BRIP1: variants seen among roughly 807,000 people sequenced by gnomAD.
BRIP1 encodes the protein BRCA1 interacting DNA helicase 1.
Under a neutral mutation model 119.7 loss-of-function variants are expected in BRIP1, and 88 were observed. The ratio of observed to expected loss-of-function variants is 0.74; its 90% confidence interval spans 0.62 to 0.88. BRIP1 has a LOEUF of 0.88. Among genes scored for constraint, BRIP1 ranks in the 40% least tolerant of loss-of-function variants. The pLI is 0.00. For synonymous variants in BRIP1, 443 were observed against 496.5 expected, an observed-to-expected ratio of 0.89 and a Z score of 1.43; for missense variants, 1,259 against 1,455.4, an observed-to-expected ratio of 0.87 and a Z score of 2.20.
chr17:61,840,088 G>A (rs565474823), intron 6 of BRIP1, among the ~76,000 whole-genome samples: 8 of 152,280 alleles, frequency 5.3e-5, no homozygotes, highest in South Asian at 4.1e-4. Context: ...GCCAGGTTCC[G>A]TGGCTCACGC....
rs781177692 is a variant in BRIP1, at chr17:61,803,018, T to C, written c.919-1544A>G. On this transcript the variant is annotated intron_variant, in intron 7 of 19. Transcript: ENST00000259008. The surrounding 1 kb of genome is among the most constrained non-coding windows in gnomAD (Gnocchi z 4.3). ...TAGCAAAGTTTAACATAGTGTTGTA[T>C]GAATAGTCTAACAAGGTTCAATAGT... Among the ~76,000 whole-genome samples the C allele has an allele frequency of 1.3e-5, 2 of 152,208 alleles. No homozygotes were observed. The highest frequency in any genetic ancestry group is 2.4e-5 in the African/African-American group (1 of 41,450).
intron 18 of BRIP1, among the ~76,000 whole-genome samples, chr17:61,692,573 A>C (rs1318028937): frequency 6.6e-6 from 1 of 152,224 alleles, no homozygotes; most frequent in Non-Finnish European, 1.5e-5. Context: ...TCTCCAAAGA[A>C]GACATATGAT....
At position 61,846,615 on chromosome 17, in the gene BRIP1, G is replaced by A. The variant is rs542438920; in HGVS notation, c.627+486C>T. ...TTGCCCAGGCTGGTTTCAAACTCGTGAACTCAAGTGATCCACCCGCCTTGG... is the reference window on the plus strand; with the variant it reads ...TTGCCCAGGCTGGTTTCAAACTCGTAAACTCAAGTGATCCACCCGCCTTGG... On this transcript the variant is annotated intron_variant, in intron 6 of 19. Transcript: ENST00000259008. This position sits in a 1 kb window ranked among gnomAD's most constrained non-coding sequence, Gnocchi z 4.3. Among the ~76,000 whole-genome samples the A allele has an allele frequency of 5.3e-5, 8 of 152,124 alleles. No individual in the cohort carries two copies. The highest frequency in any genetic ancestry group is 8.8e-5 in the Non-Finnish European group (6 of 68,004).
intron 4 of BRIP1, among the ~76,000 whole-genome samples, chr17:61,854,652 A>G (rs886099078): frequency 3.5e-5 from 5 of 142,392 alleles, no homozygotes; most frequent in African/African-American, 1.3e-4. Context: ...GGTTGCAGTG[A>G]GCTGAGATTG....
chr17:61,733,120 C>T (rs551908346), intron 16 of BRIP1, among the ~76,000 whole-genome samples: 1 of 152,342 alleles, frequency 6.6e-6, no homozygotes, highest in African/African-American at 2.4e-5. Context: ...CAGTCCTTTG[C>T]ATTCCTGCCC....
rs1210365095 is a variant in BRIP1 at position 61,739,002 on chromosome 17, G to T, written c.2379+4011C>A. On this transcript the variant is annotated intron_variant, in intron 16 of 19. Coordinates refer to ENST00000259008, the MANE Select transcript of BRIP1 (RefSeq NM_032043.3). This position sits in a 1 kb window ranked among gnomAD's most constrained non-coding sequence, Gnocchi z 6.0. ...GTTTTTCTTCTTTTCCAGGTCTCAAGAACTCATATGTAGGGTCCAAGGAAG... is the reference window on the plus strand; with the variant it reads ...GTTTTTCTTCTTTTCCAGGTCTCAATAACTCATATGTAGGGTCCAAGGAAG... The T allele has an allele frequency of 6.2e-6, 1 of 160,152 alleles. No individual in the cohort carries two copies. Among genetic ancestry groups the T allele is most frequent in the African/African-American group, 2.4e-5 (1 of 41,676 alleles). The allele number at this position is 160,152 out of a possible 1,614,324, so 9.9% of individuals were successfully genotyped here. A position where few individuals can be genotyped will look rare whatever the true frequency, so the allele number is the denominator to read the frequency against.
At position 61,759,898 on chromosome 17, in the gene BRIP1, A is replaced by AT. The variant is rs1053030410; in HGVS notation, c.2098-15308_2098-15307insA. ...AAACCTTTAATTTATGAAAAAAAAA[A>AT]AACCCAGAATATTTGCAAAGTGCGA... On this transcript the variant is annotated intron_variant, in intron 14 of 19. Coordinates refer to ENST00000259008, the MANE Select transcript of BRIP1 (RefSeq NM_032043.3). This position sits in a 1 kb window ranked among gnomAD's most constrained non-coding sequence, Gnocchi z 4.9. 2.6e-5 allele frequency among the ~76,000 whole-genome samples: 4 copies of AT among 151,958 alleles called. No homozygotes were observed. Among genetic ancestry groups the AT allele is most frequent in the African/African-American group, 9.7e-5 (4 of 41,418 alleles).
rs918507194 is a variant in BRIP1, at chr17:61,703,188, C to T, written c.2493-9676G>A. ...CAAACGATTCTCCTGCTTAGCCTCCCAAGTAGCTGGAATTACAGGTGTGCG... is the reference window on the plus strand; with the variant it reads ...CAAACGATTCTCCTGCTTAGCCTCCTAAGTAGCTGGAATTACAGGTGTGCG... On this transcript the variant is annotated intron_variant, in intron 17 of 19. Coordinates refer to ENST00000259008, the MANE Select transcript of BRIP1 (RefSeq NM_032043.3). The surrounding 1 kb of genome is among the most constrained non-coding windows in gnomAD (Gnocchi z 5.0). Among the ~76,000 whole-genome samples the T allele has an allele frequency of 6.6e-6, 1 of 152,104 alleles. No homozygotes were observed. Among genetic ancestry groups the T allele is most frequent in the Non-Finnish European group, 1.5e-5 (1 of 67,996 alleles).
In BRIP1 at chr17:61,799,227, A is replaced by G; in HGVS notation, c.1213T>C (p.Ser405Pro). ...ACTTCTGTTACACTGTAACTTGCTG[A>G]TTCCCGAGCACAGTCCTCGATGTTA... ...AHNIEDCARE[S>P]ASYSVTEVQL... The change falls in exon 9 of 20, where the codon TCA becomes CCA. Residue 405 changes from serine (S) to proline (P), a missense_variant. Around this residue, in one of 3 missense-constraint regions of BRIP1, gnomAD observed 501 missense variants for 544.0 expected, o/e 0.92. Coordinates refer to ENST00000259008, the MANE Select transcript of BRIP1 (RefSeq NM_032043.3). This position sits in a 1 kb window ranked among gnomAD's most constrained non-coding sequence, Gnocchi z 5.1. The G allele has an allele frequency of 1.2e-6, 2 of 1,613,664 alleles. No individual in the cohort carries two copies. Among genetic ancestry groups the G allele is most frequent in the South Asian group, 1.1e-5 (1 of 91,072 alleles).
chr17:61,835,098 G>A (rs1390093492), intron 6 of BRIP1, among the ~76,000 whole-genome samples: 1 of 152,074 alleles, frequency 6.6e-6, no homozygotes, highest in African/African-American at 2.4e-5. Context: ...TACACATTTT[G>A]GTGGTTCCCA....
rs879499402 is a variant in BRIP1 at position 61,710,212 on chromosome 17, T to G, written c.2492+5739A>C. On this transcript the variant is annotated intron_variant, in intron 17 of 19. Coordinates refer to ENST00000259008, the MANE Select transcript of BRIP1 (RefSeq NM_032043.3). The surrounding 1 kb of genome is among the most constrained non-coding windows in gnomAD (Gnocchi z 5.4). ...AGTACAGTATTATATATCAATACTA[T>G]AAATACATGATTTTTATGATATTCC... Among the ~76,000 whole-genome samples the G allele has an allele frequency of 1.3e-5, 2 of 152,186 alleles. No homozygotes were observed. Among genetic ancestry groups the G allele is most frequent in the African/African-American group, 2.4e-5 (1 of 41,450 alleles).
rs2078078487 is a variant in BRIP1 at position 61,806,703 on chromosome 17, T to TTGGC, written c.918+1763_918+1764insGCCA. On this transcript the variant is annotated intron_variant, in intron 7 of 19. Transcript: ENST00000259008. This position sits in a 1 kb window ranked among gnomAD's most constrained non-coding sequence, Gnocchi z 4.9. Reference sequence around the variant, plus strand: ...TTTACCAATGTATGTTTTTGGTTGGTTGGTTGTTTTTGAGACAAGAGCCTT... The same window carrying TTGGC: ...TTTACCAATGTATGTTTTTGGTTGGTTGGCTGGTTGTTTTTGAGACAAGAGCCTT... 6.6e-6 allele frequency among the ~76,000 whole-genome samples: 1 copy of TTGGC among 151,782 alleles called. No individual in the cohort carries two copies. The highest frequency in any genetic ancestry group is 1.5e-5 in the Non-Finnish European group (1 of 67,918).
intron 16 of BRIP1, among the ~76,000 whole-genome samples, chr17:61,718,223 G>C (rs2061913240): frequency 6.6e-6 from 1 of 152,174 alleles, no homozygotes. Flanking sequence ...CATTAAGTCA[G>C]TGGTTACTGG....
In BRIP1 at chr17:61,828,892, G is replaced by T. The variant is rs2078448470; in HGVS notation, c.627+18209C>A. Among the ~76,000 whole-genome samples, 1 of 152,184 alleles carries T rather than the reference G, an allele frequency of 6.6e-6. No individual in the cohort carries two copies. Among genetic ancestry groups the T allele is most frequent in the African/African-American group, 2.4e-5 (1 of 41,446 alleles). On this transcript the variant is annotated intron_variant, in intron 6 of 19. Coordinates refer to ENST00000259008, the MANE Select transcript of BRIP1 (RefSeq NM_032043.3). This position sits in a 1 kb window ranked among gnomAD's most constrained non-coding sequence, Gnocchi z 4.1. ...GGCAGAAGGTTCTTACACATTATTT[G>T]TGAGTTGAAATATTATTTGAAGGTA...
chr17:61,760,230 T>A lies in BRIP1; in HGVS notation c.2098-15639A>T, dbSNP rs373138117. Among the ~76,000 whole-genome samples, 26 of 151,326 alleles carry A rather than the reference T, an allele frequency of 1.7e-4. No homozygotes were observed. Among genetic ancestry groups the A allele is most frequent in the African/African-American group, 5.3e-4 (22 of 41,348 alleles). ...CAATGAAGAAATTAAAAGGGAAATT[T>A]AAAAAAAATATATTGAGACAAACAA... On this transcript the variant is annotated intron_variant, in intron 14 of 19. Transcript: ENST00000259008. This position sits in a 1 kb window ranked among gnomAD's most constrained non-coding sequence, Gnocchi z 4.6.
At position 61,729,969 on chromosome 17, in the gene BRIP1, G is replaced by A. The variant is rs777739614; in HGVS notation, c.2379+13044C>T. Among the ~76,000 whole-genome samples the A allele has an allele frequency of 5.9e-5, 9 of 152,186 alleles. No homozygotes were observed. The highest frequency in any genetic ancestry group is 8.8e-5 in the Non-Finnish European group (6 of 68,034). ...ACTCCTCGGAACAAAGAATTACCCA[G>A]TCCAAAATGTCAATAGTGCCAAGTT... On this transcript the variant is annotated intron_variant, in intron 16 of 19. Coordinates refer to ENST00000259008, the MANE Select transcript of BRIP1 (RefSeq NM_032043.3). The surrounding 1 kb of genome is among the most constrained non-coding windows in gnomAD (Gnocchi z 5.6).
chr17:61,837,921 G>A (rs2078599122), intron 6 of BRIP1, among the ~76,000 whole-genome samples: 1 of 152,048 alleles, frequency 6.6e-6, no homozygotes, highest in Non-Finnish European at 1.5e-5. Flanking sequence ...GAAAAATAAA[G>A]AGACAACAAT....
intron 17 of BRIP1, among the ~76,000 whole-genome samples, chr17:61,694,248 T>C (rs972489147): frequency 6.6e-6 from 1 of 152,106 alleles, no homozygotes; most frequent in African/African-American, 2.4e-5. Flanking sequence ...CTCCAAATTA[T>C]CCCAATTATT....
Position 61,861,792 on chromosome 17 carries a change from T to C in BRIP1, c.-30-223A>G, listed in dbSNP as rs2078977297. The C allele has an allele frequency of 1.8e-6, 1 of 548,220 alleles. No individual in the cohort carries two copies. The highest frequency in any genetic ancestry group is 1.9e-5 in the African/African-American group (1 of 52,772). 34.0% of individuals were successfully genotyped at this position (548,220 alleles called of 1,614,324 possible). On this transcript the variant is annotated intron_variant, in intron 1 of 19. Transcript: ENST00000259008. This position sits in a 1 kb window ranked among gnomAD's most constrained non-coding sequence, Gnocchi z 4.5. Reference sequence around the variant, plus strand: ...TTGTATCCTTCACTCTGCCAGGTATTAGTTGTGTGACTTCGGGAAAGTTAG... The same window carrying C: ...TTGTATCCTTCACTCTGCCAGGTATCAGTTGTGTGACTTCGGGAAAGTTAG...
Sources: allele counts gnomAD v4.1 joint callset (sites outside exome capture counted in the v4.1 genomes callset), GRCh38; gene constraint gnomAD v4.1.1; regional missense constraint gnomAD v4.1.1; non-coding constraint Gnocchi (gnomAD v3.1); transcripts MANE v1.5; gene names NCBI Gene and HGNC (gene_info 2026-07-23, HGNC 2026-07-21).